Variants in NEDD4L observed in about 807,000 individuals in gnomAD.
The protein encoded by NEDD4L is NEDD4 like E3 ubiquitin protein ligase, also known as E3 ubiquitin-protein ligase NEDD4-like.
A neutral mutation model predicts 148.9 loss-of-function variants in NEDD4L; 54 were observed. The observed-to-expected ratio is 0.36, with a 90% confidence interval of 0.29 to 0.45. The LOEUF is 0.45. Among genes scored for constraint, NEDD4L ranks in the 20% least tolerant of loss-of-function variants. The probability of loss-of-function intolerance (pLI) is 1.00; values close to 1 mark genes in which losing one functional copy is unlikely to be tolerated. For missense variants in NEDD4L, 856 were observed against 1,233.8 expected (o/e 0.69, Z 4.59); for synonymous variants, 433 against 440.7 (o/e 0.98, Z 0.22).
rs146583010 is a variant in NEDD4L, at chr18:58,096,781, G to C, written c.48+52073G>C. On this transcript the variant is annotated intron_variant, in intron 1 of 30. Transcript: ENST00000400345. ...TCAGAAACCAACTCCATGCTTATTT[G>C]CTGTAATGAATTTTTCCCTTACATT... Among the ~76,000 whole-genome samples the C allele has an allele frequency of 2.6e-5, 4 of 152,238 alleles. No individual in the cohort carries two copies. In the East Asian group the frequency reaches 7.7e-4, roughly 29 times the overall value.
intron 1 of NEDD4L, chr18:58,091,147 T>A (rs2084049612): frequency 6.6e-6 from 1 of 152,288 alleles, no homozygotes; most frequent in South Asian, 2.1e-4. Context: ...AGAGCCAGGT[T>A]GAGCCTGTGT....
At chr18:58,278,471 C>T (rs2052492120) in intron 5 of NEDD4L, among the ~76,000 whole-genome samples, 1 of 152,240 alleles carries the variant, frequency 6.6e-6, no homozygotes, top group Admixed American at 6.5e-5. Flanking sequence ...CCACGTCCCA[C>T]ATTATAGCTC....
At chr18:58,185,531 G>A (rs1245995218) in intron 2 of NEDD4L, among the ~76,000 whole-genome samples, 2 of 152,128 alleles carry the variant, frequency 1.3e-5, no homozygotes, top group Admixed American at 6.5e-5. Context: ...ATCATTGGAG[G>A]GCAATTAAGT....
intron 5 of NEDD4L, among the ~76,000 whole-genome samples, chr18:58,299,452 G>A (rs17233743): frequency 0.14 from 21,399 of 152,212 alleles, 2,015 homozygotes; most frequent in Non-Finnish European, 0.19. Flanking sequence ...ACAGATTGAC[G>A]CCTGAAAAGA....
chr18:58,361,315 T>C (rs2045441434), intron 19 of NEDD4L, among the ~76,000 whole-genome samples: 1 of 152,212 alleles, frequency 6.6e-6, no homozygotes, highest in South Asian at 2.1e-4. Context: ...GGCAGCTCAG[T>C]GTTCAGCATT....
intron 2 of NEDD4L, among the ~76,000 whole-genome samples, chr18:58,200,974 G>T (rs2041331110): frequency 6.6e-6 from 1 of 152,170 alleles, no homozygotes; most frequent in South Asian, 2.1e-4. Context: ...GGTGGACTAA[G>T]GTTGTCTTTG....
At chr18:58,118,315 G>A (rs866171115) in intron 1 of NEDD4L, among the ~76,000 whole-genome samples, 3 of 152,232 alleles carry the variant, frequency 2.0e-5, no homozygotes, top group East Asian at 1.9e-4. Context: ...TGCCTGTGAC[G>A]TGAGGCTGTG....
At chr18:58,255,472 G>A (rs976597296) in intron 5 of NEDD4L, 5 of 1,225,576 alleles carry the variant, frequency 4.1e-6, no homozygotes, top group Middle Eastern at 3.1e-4. Flanking sequence ...CTGGAATGCC[G>A]CTTGCCACTT....
chr18:58,271,452 T>C (rs192299319), intron 5 of NEDD4L, among the ~76,000 whole-genome samples: 7 of 152,342 alleles, frequency 4.6e-5, no homozygotes, highest in African/African-American at 1.7e-4. Flanking sequence ...AGATCACTTT[T>C]TGGTAATGGC....
In NEDD4L at chr18:58,304,270, G is replaced by A. The variant is rs557294; in HGVS notation, c.298-11712G>A. On this transcript the variant is annotated intron_variant, in intron 5 of 30. Coordinates refer to ENST00000400345, the MANE Select transcript of NEDD4L (RefSeq NM_001144967.3). ...GCAGTGGCTCATACCTGTAATCTCA[G>A]CACTTTGGGAAGCCGAGGTGGGAGG... Among the ~76,000 whole-genome samples the A allele has an allele frequency of 1.1e-4, 16 of 151,108 alleles. No individual in the cohort carries two copies. The South Asian group carries it at 3.1e-3, about 30-fold the overall frequency.
chr18:58,302,626 A>C (rs2056625938), intron 5 of NEDD4L, among the ~76,000 whole-genome samples: 1 of 152,250 alleles, frequency 6.6e-6, no homozygotes, highest in Non-Finnish European at 1.5e-5. Context: ...TATTGACAGT[A>C]GCTTAATAAC....
rs2049204355 is a variant in NEDD4L at position 58,387,552 on chromosome 18, A to T, written c.2547+54A>T. 9.9e-6 allele frequency: 14 copies of T among 1,419,804 alleles called. No homozygotes were observed. The South Asian group carries it at 1.9e-4, about 19-fold the overall frequency. The allele number at this position is 1,419,804 out of a possible 1,614,324, so 88.0% of individuals were successfully genotyped here. A position where few individuals can be genotyped will look rare whatever the true frequency, so the allele number is the denominator to read the frequency against. On this transcript the variant is annotated intron_variant, in intron 27 of 30. Coordinates refer to ENST00000400345, the MANE Select transcript of NEDD4L (RefSeq NM_001144967.3). ...AAGTGGATTTTTTAAAGTATCTCTC[A>T]TTACTTTACAAGTAATATTTTAATA... is the stretch of plus-strand genomic sequence containing the variant.
intron 1 of NEDD4L, among the ~76,000 whole-genome samples, chr18:58,110,097 C>T (rs1200708258): frequency 6.6e-6 from 1 of 152,140 alleles, no homozygotes; most frequent in Non-Finnish European, 1.5e-5. Context: ...GATTGCAGAG[C>T]TTTGAGATAG....
chr18:58,163,861 C>T (rs1315034647), intron 1 of NEDD4L, among the ~76,000 whole-genome samples: 4 of 152,126 alleles, frequency 2.6e-5, no homozygotes, highest in African/African-American at 9.7e-5. Flanking sequence ...ATCCACCATC[C>T]TGTACCCTCC....
At chr18:58,044,980 A>G (rs893565178) in intron 1 of NEDD4L, 2 of 433,892 alleles carry the variant, frequency 4.6e-6, no homozygotes, top group Non-Finnish European at 8.2e-6. Context: ...TCGGGAGGAG[A>G]GGGAGGGGGC....
At chr18:58,224,965 TA>T (rs1237344299) in intron 2 of NEDD4L, among the ~76,000 whole-genome samples, 4 of 152,206 alleles carry the variant, frequency 2.6e-5, no homozygotes, top group East Asian at 3.8e-4. Context: ...AATTTTGGTT[TA>T]AAAAAATTTA....
chr18:58,308,605 G>T (rs2057327109), intron 5 of NEDD4L, among the ~76,000 whole-genome samples: 1 of 152,244 alleles, frequency 6.6e-6, no homozygotes, highest in African/African-American at 2.4e-5. Flanking sequence ...AATAAAGGCG[G>T]TGACCATCAG....
At chr18:58,065,299 A>G (rs1328446285) in intron 1 of NEDD4L, among the ~76,000 whole-genome samples, 2 of 152,202 alleles carry the variant, frequency 1.3e-5, no homozygotes, top group East Asian at 3.8e-4. Flanking sequence ...TCCAAGTGGC[A>G]ATTGCTTTTG....
chr18:58,160,952 C>T (rs1199338659), intron 1 of NEDD4L, among the ~76,000 whole-genome samples: 1 of 152,096 alleles, frequency 6.6e-6, no homozygotes, highest in Non-Finnish European at 1.5e-5. Context: ...TCACGTCTTC[C>T]GTATTTGCAG....
Sources: gnomAD v4.1 joint callset for allele counts (sites outside exome capture counted in the v4.1 genomes callset) on GRCh38, gnomAD v4.1.1 for gene constraint, MANE v1.5 for transcripts, NCBI Gene and HGNC (gene_info 2026-07-23, HGNC 2026-07-21) for gene names.